Variants in DGUOK observed in about 807,000 individuals in gnomAD.
The protein encoded by DGUOK is deoxyguanosine kinase, mitochondrial.
DGUOK carries 30 observed loss-of-function variants against 36.6 expected under a neutral mutation model. The ratio of observed to expected loss-of-function variants is 0.82; its 90% CI spans 0.61 to 1.11. DGUOK has a LOEUF of 1.11. Among genes scored for constraint, DGUOK ranks in the 50% most tolerant of loss-of-function variants. The pLI is 0.00. For missense variants in DGUOK, 361 were observed against 336.4 expected (o/e 1.07, Z -0.57); for synonymous variants, 145 against 126.3 (o/e 1.15, Z -0.99).
chr2:73,943,115 A>G (rs2104926423), intron 2 of DGUOK, among the ~76,000 whole-genome samples: 1 of 152,042 alleles, frequency 6.6e-6, no homozygotes, highest in Non-Finnish European at 1.5e-5. Context: ...GTTGGTTGGT[A>G]TTATTATTTG....
chr2:73,927,553 G>T (rs941510887), intron 1 of DGUOK, among the ~76,000 whole-genome samples: 1 of 152,146 alleles, frequency 6.6e-6, no homozygotes, highest in African/African-American at 2.4e-5. Flanking sequence ...TATTTTATCT[G>T]GCAACCCTAT....
chr2:73,936,963 A>G (rs112094033), intron 1 of DGUOK, among the ~76,000 whole-genome samples: 52 of 152,278 alleles, frequency 3.4e-4, no homozygotes, highest in African/African-American at 1.2e-3. Flanking sequence ...ATTGAGTAAG[A>G]GTTGGTCAGG....
At chr2:73,943,463 ATG>A (rs1490975290) in intron 2 of DGUOK, among the ~76,000 whole-genome samples, 1 of 151,358 alleles carries the variant, frequency 6.6e-6, no homozygotes, top group African/African-American at 2.4e-5. Context: ...TGCCTGGCCC[ATG>A]TGTAGTTTGT....
chr2:73,942,930 G>A (rs920998843), intron 2 of DGUOK, among the ~76,000 whole-genome samples: 19 of 152,110 alleles, frequency 1.2e-4, no homozygotes, highest in Non-Finnish European at 2.4e-4. Context: ...AACCACTTTA[G>A]CATCTAGTGA....
At chr2:73,953,290 ATCGTCGTCGTCG>A (rs70965773) in intron 4 of DGUOK, among the ~76,000 whole-genome samples, 7 of 140,810 alleles carry the variant, frequency 5.0e-5, no homozygotes, top group African/African-American at 7.8e-5. Flanking sequence ...CATCATCATC[ATCGTCGTCGTCG>A]TCGTCGTCGT....
chr2:73,947,324 T>A (rs1399394089), intron 3 of DGUOK, among the ~76,000 whole-genome samples: 1 of 152,112 alleles, frequency 6.6e-6, no homozygotes, highest in Non-Finnish European at 1.5e-5. Flanking sequence ...AATTAAAATT[T>A]GTGTTCCTGA....
At chr2:73,938,156 G>A (rs966741742) in intron 1 of DGUOK, among the ~76,000 whole-genome samples, 53 of 151,906 alleles carry the variant, frequency 3.5e-4, no homozygotes, top group Admixed American at 3.5e-3. Flanking sequence ...CTTCTTCTAG[G>A]GCCTCAAACT....
At chr2:73,935,039 G>A (rs1310892813) in intron 1 of DGUOK, among the ~76,000 whole-genome samples, 1 of 152,126 alleles carries the variant, frequency 6.6e-6, no homozygotes, top group East Asian at 1.9e-4. Context: ...TTGTGCCACT[G>A]CACTCCAGCC....
At chr2:73,939,044 G>A (rs1681701980) in intron 2 of DGUOK, 22 bp downstream of exon 2, 9 of 1,479,202 alleles carry the variant, frequency 6.1e-6, no homozygotes, top group Non-Finnish European at 8.5e-6. Context: ...GTTGTGGTGG[G>A]TAGTTGGCAG....
intron 4 of DGUOK, among the ~76,000 whole-genome samples, chr2:73,953,804 C>T (rs1463180706): frequency 2.1e-5 from 3 of 146,294 alleles, no homozygotes; most frequent in African/African-American, 5.0e-5. Flanking sequence ...CTGCAAGCTC[C>T]GCCTCCCGGG....
intron 6 of DGUOK, 73 bp downstream of exon 6, chr2:73,958,318 A>AAAG: frequency 8.6e-7 from 1 of 1,157,788 alleles, no homozygotes; most frequent in Non-Finnish European, 1.3e-6. Context: ...CCTTTGCTTC[A>AAAG]AAGTTCAATA....
intron 4 of DGUOK, 97 bp downstream of exon 4, chr2:73,950,829 C>T (rs574941539): frequency 9.3e-6 from 14 of 1,505,814 alleles, no homozygotes; most frequent in South Asian, 9.0e-5. Flanking sequence ...GAGATTAGAG[C>T]GTAGACATTA....
chr2:73,948,113 A>G (rs370157459), intron 3 of DGUOK, among the ~76,000 whole-genome samples: 8 of 152,188 alleles, frequency 5.3e-5, no homozygotes, highest in African/African-American at 1.9e-4. Context: ...TGGCTGGGCT[A>G]TAGGTTTTAC....
intron 5 of DGUOK, 80 bp from the exon 6 acceptor site, chr2:73,958,066 T>TAAGA (rs1278534068): frequency 5.5e-6 from 6 of 1,082,228 alleles, no homozygotes; most frequent in African/African-American, 1.5e-5. Context: ...GTTCTCTGAG[T>TAAGA]AAGACTTGGC....
chr2:73,942,928 T>C (rs553655227), intron 2 of DGUOK, among the ~76,000 whole-genome samples: 24 of 152,368 alleles, frequency 1.6e-4, no homozygotes, highest in Admixed American at 1.4e-3. Flanking sequence ...AAAACCACTT[T>C]AGCATCTAGT....
intron 1 of DGUOK, among the ~76,000 whole-genome samples, chr2:73,933,535 G>A (rs1305282843): frequency 6.6e-6 from 1 of 152,156 alleles, no homozygotes; most frequent in East Asian, 1.9e-4. Context: ...AGGAGGGGAT[G>A]TCAGATCAGT....
chr2:73,956,490 G>A (rs1683103717), intron 4 of DGUOK, among the ~76,000 whole-genome samples: 1 of 152,178 alleles, frequency 6.6e-6, no homozygotes, highest in Non-Finnish European at 1.5e-5. Context: ...ACAGACGGGT[G>A]GAGTGAAGGG....
intron 1 of DGUOK, among the ~76,000 whole-genome samples, chr2:73,936,207 A>G (rs1681450395): frequency 6.6e-6 from 1 of 152,250 alleles, no homozygotes; most frequent in African/African-American, 2.4e-5. Context: ...GGGCTTACTC[A>G]GGGCAGACAG....
chr2:73,949,109 G>A (rs965964311), intron 3 of DGUOK, among the ~76,000 whole-genome samples: 5 of 152,040 alleles, frequency 3.3e-5, no homozygotes, highest in Admixed American at 6.6e-5. Context: ...ACGCCATCAT[G>A]CCTGGCTAAT....
Sources: gnomAD v4.1 joint callset for allele counts (sites outside exome capture counted in the v4.1 genomes callset) on GRCh38, gnomAD v4.1.1 for gene constraint, MANE v1.5 for transcripts, NCBI Gene and HGNC (gene_info 2026-07-23, HGNC 2026-07-21) for gene names.